The following EPG5 variants were observed in gnomAD, a reference collection of about 807,000 sequenced individuals.
EPG5 encodes ectopic P granules protein 5 homolog.
EPG5 carries 159 observed loss-of-function variants against 302.7 expected under a neutral mutation model. The observed-to-expected ratio is 0.53, with a 90% CI of 0.46 to 0.60. The LOEUF is 0.60. Ranked by LOEUF, EPG5 falls within the 20% of genes least tolerant of loss-of-function variation. The pLI, the probability that EPG5 is intolerant of heterozygous loss-of-function variation, is 0.00. For synonymous variants in EPG5, 1,158 were observed against 1,136.8 expected, an observed-to-expected ratio of 1.02 and a Z score of -0.37; for missense variants, 2,896 against 3,092.4, an observed-to-expected ratio of 0.94 and a Z score of 1.51.
Position 45,867,734 on chromosome 18 carries a change from G to A in EPG5, c.6240C>T (p.Ser2080=), listed in dbSNP as rs1367349573. The change falls in exon 37 of 44, where the codon AGC becomes AGT. Residue 2080 remains serine (S), a synonymous_variant. Coordinates refer to ENST00000282041, the MANE Select transcript of EPG5 (RefSeq NM_020964.3). ...MEAFFKVERG[S]PKSCFLFLGS... ...CCAAAAATAAGAAACAGCTCTTGGG[G>A]CTTCCTCGTTCCACCTAAAAGAAAA... The A allele has an allele frequency of 6.2e-6, 10 of 1,600,370 alleles. No homozygotes were observed. Among genetic ancestry groups the A allele is most frequent in the Non-Finnish European group, 8.5e-6 (10 of 1,173,864 alleles).
intron 1 of EPG5, among the ~76,000 whole-genome samples, chr18:45,958,209 A>C (rs1435148116): frequency 6.6e-6 from 1 of 152,240 alleles, no homozygotes; most frequent in Non-Finnish European, 1.5e-5. Context: ...AAATGGAAAG[A>C]CAATCTATGT....
At chr18:45,962,608 G>A (rs1488810664) in intron 1 of EPG5, among the ~76,000 whole-genome samples, 8 of 152,154 alleles carry the variant, frequency 5.3e-5, no homozygotes. Flanking sequence ...CAACCTAGCA[G>A]CCGAGGTTAG....
Position 45,917,300 on chromosome 18 carries a change from CTA to C in EPG5, c.3239+377_3239+378del, listed in dbSNP as rs2050054568. On this transcript the variant is annotated intron_variant, in intron 17 of 43. Coordinates refer to ENST00000282041, the MANE Select transcript of EPG5 (RefSeq NM_020964.3). ...CATCTTATCTGTTTGCAACACTGCA[CTA>C]TGTGCACTGTAAACAATTTAAAACA... Among the ~76,000 whole-genome samples the C allele has an allele frequency of 6.6e-5, 10 of 152,302 alleles. No individual in the cohort carries two copies. The South Asian group carries it at 2.1e-3, about 32-fold the overall frequency.
chr18:45,860,500 G>C (rs1329230297), intron 39 of EPG5, among the ~76,000 whole-genome samples, 154 bp from the exon 40 acceptor site: 1 of 152,198 alleles, frequency 6.6e-6, no homozygotes, highest in African/African-American at 2.4e-5. Context: ...GGCTCTGGAT[G>C]GTGTTAAGTT....
intron 39 of EPG5, among the ~76,000 whole-genome samples, chr18:45,865,242 T>G (rs188755659): frequency 9.8e-5 from 15 of 152,324 alleles, no homozygotes; most frequent in African/African-American, 3.6e-4. Context: ...GTATGTCTAG[T>G]CCACCAAACT....
chr18:45,906,203 C>G (rs1474043030), intron 24 of EPG5, among the ~76,000 whole-genome samples: 2 of 152,192 alleles, frequency 1.3e-5, no homozygotes, highest in Non-Finnish European at 2.9e-5. Context: ...GGGACAAAGT[C>G]AGAAATTTGG....
At chr18:45,854,956 T>C (rs12455488) in intron 43 of EPG5, among the ~76,000 whole-genome samples, 21,548 of 152,212 alleles carry the variant, frequency 0.14, 2,026 homozygotes, top group East Asian at 0.34. Flanking sequence ...AAACTTATAA[T>C]AGTACCTGGC....
chr18:45,894,140 C>T (rs1459591115), intron 27 of EPG5, among the ~76,000 whole-genome samples: 1 of 152,048 alleles, frequency 6.6e-6, no homozygotes, highest in East Asian at 1.9e-4. Flanking sequence ...AATAAGGATG[C>T]TTCCTTTCAG....
intron 17 of EPG5, 130 bp from the exon 18 acceptor site, chr18:45,916,712 G>T: frequency 1.1e-6 from 1 of 919,004 alleles, no homozygotes. Flanking sequence ...TATTTAAGAA[G>T]GGATTCTAGA....
intron 8 of EPG5, 135 bp from the exon 9 acceptor site, chr18:45,943,446 C>A: frequency 1.4e-6 from 1 of 697,958 alleles, no homozygotes; most frequent in Non-Finnish European, 2.4e-6. Context: ...ACTCTGGCTC[C>A]CATATCAACA....
At chr18:45,861,610 GT>G (rs1372030818) in intron 39 of EPG5, among the ~76,000 whole-genome samples, 2 of 152,176 alleles carry the variant, frequency 1.3e-5, no homozygotes, top group Non-Finnish European at 1.5e-5. Flanking sequence ...CTTGCTGATA[GT>G]TTTTTTCCAT....
At chr18:45,825,620 T>C in the EPG5 span, 1 of 1,148,810 alleles carries the variant, frequency 8.7e-7, no homozygotes, top group East Asian at 2.6e-5. Flanking sequence ...CAGATCTGAG[T>C]GCCCTGCCCA....
chr18:45,844,659 G>T (rs1282696333), downstream of EPG5, among the ~76,000 whole-genome samples: 1 of 152,192 alleles, frequency 6.6e-6, no homozygotes, highest in African/African-American at 2.4e-5. Flanking sequence ...GGGTTGCAAA[G>T]CTCCACTCCT....
Position 45,879,019 on chromosome 18 carries a change from T to C in EPG5, c.5863A>G (p.Lys1955Glu), listed in dbSNP as rs1599475579. The change falls in exon 33 of 44, where the codon AAA becomes GAA. Residue 1955 changes from lysine to glutamate, a missense_variant. Transcript: ENST00000282041. ...CGCATGAGAAGTATATTACCTGTTT[T>C]CCTGCTGGCAGTTGGGTCTTGGGCC... ...CLAQDPTASR[K>E]TVLKSLHSVI... is the part of the protein sequence containing the mutation. 1.2e-6 allele frequency: 2 copies of C among 1,614,010 alleles called. No individual in the cohort carries two copies. The highest frequency in any genetic ancestry group is 8.5e-7 in the Non-Finnish European group (1 of 1,179,856).
the EPG5 span, among the ~76,000 whole-genome samples, chr18:45,829,946 G>A: frequency 6.6e-6 from 1 of 152,142 alleles, no homozygotes; most frequent in African/African-American, 2.4e-5. Flanking sequence ...CACCCCCTCT[G>A]GCCATTATTC....
chr18:45,816,274 A>G, the EPG5 span, among the ~76,000 whole-genome samples: 2 of 152,244 alleles, frequency 1.3e-5, no homozygotes, highest in Non-Finnish European at 2.9e-5. Flanking sequence ...TGCAATAAAA[A>G]GATAAATAGC....
chr18:45,858,127 A>G, intron 41 of EPG5, 59 bp from the exon 42 acceptor site: 1 of 1,268,248 alleles, frequency 7.9e-7, no homozygotes, highest in African/African-American at 1.5e-5. Context: ...CTCCCATTTA[A>G]CTGCAAGTCC....
intron 11 of EPG5, among the ~76,000 whole-genome samples, chr18:45,934,017 C>T (rs1403008480): frequency 7.2e-5 from 11 of 152,138 alleles, no homozygotes; most frequent in South Asian, 2.1e-4. Context: ...TGGCCAGGCA[C>T]GGTGGCTCAC....
chr18:45,857,567 T>C (rs529463653), intron 42 of EPG5, among the ~76,000 whole-genome samples: 1 of 152,124 alleles, frequency 6.6e-6, no homozygotes, highest in African/African-American at 2.4e-5. Context: ...CAAAAAGAAA[T>C]CAGTAGTGCA....
Sources: allele counts gnomAD v4.1 joint callset (sites outside exome capture counted in the v4.1 genomes callset), GRCh38; gene constraint gnomAD v4.1.1; transcripts MANE v1.5; gene names NCBI Gene and HGNC (gene_info 2026-07-23, HGNC 2026-07-21).